JAK1: variants seen among roughly 807,000 people sequenced by gnomAD.
The protein encoded by JAK1 is Janus kinase 1, also known as tyrosine-protein kinase JAK1.
A neutral mutation model predicts 136.6 loss-of-function variants in JAK1; 16 were observed. The observed-to-expected ratio is 0.12, with a 90% CI of 0.08 to 0.18. The LOEUF is 0.18. JAK1 is among the 10% of genes least tolerant of loss of function. JAK1 has a pLI of 1.00. For missense variants in JAK1, 859 were observed against 1,450.1 expected, an observed-to-expected ratio of 0.59 and a Z score of 6.62; for synonymous variants, 492 against 519.5, an observed-to-expected ratio of 0.95 and a Z score of 0.72.
At chr1:64,911,905 G>T (rs938441468) in intron 1 of JAK1, among the ~76,000 whole-genome samples, 1 of 152,126 alleles carries the variant, frequency 6.6e-6, no homozygotes, top group African/African-American at 2.4e-5. Context: ...CAACAACACA[G>T]ATTCATGACA....
intron 8 of JAK1, among the ~76,000 whole-genome samples, chr1:64,860,930 G>A (rs1409037562): frequency 5.3e-5 from 2 of 37,986 alleles, no homozygotes; most frequent in Non-Finnish European, 9.7e-5. Context: ...CCCTGGGTCC[G>A]TGTGTGTGTG....
intron 1 of JAK1, among the ~76,000 whole-genome samples, chr1:64,929,962 G>T (rs555194326): frequency 6.6e-6 from 1 of 152,294 alleles, no homozygotes; most frequent in South Asian, 2.1e-4. Context: ...ATGGTGTTGG[G>T]AAAACTGGCT....
At chr1:64,891,308 G>C (rs988963879) in intron 1 of JAK1, among the ~76,000 whole-genome samples, 10 of 152,116 alleles carry the variant, frequency 6.6e-5, no homozygotes, top group African/African-American at 2.2e-4. Flanking sequence ...TTCCACAGTG[G>C]GGAAGAACTG....
intron 2 of JAK1, chr1:64,985,289 G>C: frequency 1.2e-6 from 2 of 1,609,666 alleles, no homozygotes; most frequent in South Asian, 1.1e-5. Flanking sequence ...AAATGATGAT[G>C]GGCTGTCGGT....
intron 2 of JAK1, chr1:64,995,191 GC>G (rs1229890164): frequency 2.0e-5 from 3 of 152,094 alleles, no homozygotes; most frequent in African/African-American, 7.2e-5. Flanking sequence ...TAAAGTTAAA[GC>G]CCATTTGCAA....
chr1:65,018,462 CAGAG>C lies in JAK1; in HGVS notation c.-78+26014_-78+26017del, dbSNP rs138864438. Among the ~76,000 whole-genome samples the C allele has an allele frequency of 3.0e-3, 437 of 146,230 alleles. 4 individuals carry two copies. Among genetic ancestry groups the C allele is most frequent in the East Asian group, 9.4e-3 (47 of 4,976 alleles). ...AACTAATGAGAGACACACATACATA[CAGAG>C]AGAGAGAGAGAGAGAGAGAGAACAC... On this transcript the variant is annotated intron_variant, in intron 2 of 25. Transcript: ENST00000671954.
chr1:64,883,938 G>A (rs1012074600), intron 2 of JAK1, among the ~76,000 whole-genome samples: 5 of 152,202 alleles, frequency 3.3e-5, no homozygotes, highest in Non-Finnish European at 7.4e-5. Flanking sequence ...TTAATTTCAT[G>A]TCCATCTCCC....
intron 1 of JAK1, among the ~76,000 whole-genome samples, chr1:65,049,709 C>T (rs1034701607): frequency 4.6e-5 from 7 of 152,132 alleles, no homozygotes; most frequent in African/African-American, 1.7e-4. Flanking sequence ...TCCAAGCCAT[C>T]ACCCACATAT....
chr1:64,845,276 G>A (rs932060179), intron 15 of JAK1, among the ~76,000 whole-genome samples: 7 of 151,990 alleles, frequency 4.6e-5, no homozygotes, highest in Admixed American at 1.3e-4. Flanking sequence ...TATGCAAGTC[G>A]GCCCTCTGAC....
At chr1:64,983,327 C>A (rs1347948526) in intron 2 of JAK1, among the ~76,000 whole-genome samples, 1 of 152,138 alleles carries the variant, frequency 6.6e-6, no homozygotes, top group African/African-American at 2.4e-5. Flanking sequence ...CGGCACAGGA[C>A]CACGGTGGTC....
At chr1:65,062,608 AC>A (rs1308072776) in intron 1 of JAK1, among the ~76,000 whole-genome samples, 4 of 152,150 alleles carry the variant, frequency 2.6e-5, no homozygotes, top group Non-Finnish European at 5.9e-5. Flanking sequence ...TTCTATTCCT[AC>A]ATCTGTAAAA....
chr1:65,062,891 A>T (rs1250127306), intron 1 of JAK1, among the ~76,000 whole-genome samples: 2 of 152,246 alleles, frequency 1.3e-5, no homozygotes, highest in Non-Finnish European at 2.9e-5. Context: ...ACAGTTATCA[A>T]CAAGAGTATG....
At chr1:64,961,558 G>T (rs773609066) in intron 1 of JAK1, among the ~76,000 whole-genome samples, 5 of 152,008 alleles carry the variant, frequency 3.3e-5, no homozygotes, top group Non-Finnish European at 7.3e-5. Context: ...GATCCAACCT[G>T]CATGTCCTGC....
chr1:64,951,947 G>A (rs913163216), intron 1 of JAK1, among the ~76,000 whole-genome samples: 13 of 152,000 alleles, frequency 8.6e-5, no homozygotes, highest in Admixed American at 4.6e-4. Context: ...GTGAGCCACC[G>A]CGCCAGGCAC....
chr1:65,023,276 T>A (rs982070745), intron 2 of JAK1, among the ~76,000 whole-genome samples: 4 of 151,972 alleles, frequency 2.6e-5, no homozygotes, highest in Admixed American at 2.6e-4. Flanking sequence ...CTAATTTTTA[T>A]TTTTTATTTT....
At chr1:64,985,981 T>C (rs1646595131) in intron 2 of JAK1, 2 of 1,261,788 alleles carry the variant, frequency 1.6e-6, no homozygotes, top group Non-Finnish European at 2.3e-6. Context: ...AATTCCCTTA[T>C]GATCATCTCA....
intron 2 of JAK1, chr1:64,974,688 C>T (rs972620708): frequency 6.6e-6 from 1 of 152,218 alleles, no homozygotes; most frequent in Non-Finnish European, 1.5e-5. Flanking sequence ...GCGAGGAAAG[C>T]CTCCAGATCA....
At chr1:65,036,826 A>G (rs1296821477) in intron 2 of JAK1, among the ~76,000 whole-genome samples, 2 of 152,258 alleles carry the variant, frequency 1.3e-5, no homozygotes, top group Non-Finnish European at 2.9e-5. Flanking sequence ...ATTACAGTAC[A>G]TGGACATAAA....
At chr1:64,835,827 C>T (rs1343090324) in intron 23 of JAK1, among the ~76,000 whole-genome samples, 1 of 152,070 alleles carries the variant, frequency 6.6e-6, no homozygotes, top group Non-Finnish European at 1.5e-5. Context: ...ACTTAACTTG[C>T]TCATTTTCCC....
Sources: gnomAD v4.1 joint callset for allele counts (sites outside exome capture counted in the v4.1 genomes callset) on GRCh38, gnomAD v4.1.1 for gene constraint, MANE v1.5 for transcripts, NCBI Gene and HGNC (gene_info 2026-07-23, HGNC 2026-07-21) for gene names.